RNF2: variants seen among roughly 807,000 people sequenced by gnomAD.
RNF2 encodes the protein E3 ubiquitin-protein ligase RING2.
RNF2 carries 6 observed loss-of-function variants against 37.2 expected under a neutral mutation model. The ratio of observed to expected loss-of-function variants is 0.16; its 90% CI spans 0.09 to 0.32. The LOEUF is 0.32. RNF2 is among the 10% of genes least tolerant of loss of function. RNF2 has a pLI of 1.00. For missense variants in RNF2, 251 were observed against 404.0 expected (o/e 0.62, Z 3.25); for synonymous variants, 133 against 132.7 (o/e 1.00, Z -0.02).
At chr1:185,079,928 C>T (rs886461605) in intron 1 of RNF2, among the ~76,000 whole-genome samples, 1 of 148,166 alleles carries the variant, frequency 6.7e-6, no homozygotes, top group African/African-American at 2.5e-5. Flanking sequence ...GAGACTGTCT[C>T]AGAAAAAAAA....
intron 4 of RNF2, among the ~76,000 whole-genome samples, chr1:185,093,549 A>C (rs1434675614): frequency 6.6e-6 from 1 of 152,004 alleles, no homozygotes; most frequent in African/African-American, 2.4e-5. Context: ...TTCTTTTCCT[A>C]TTCTTTTATG....
intron 1 of RNF2, among the ~76,000 whole-genome samples, chr1:185,072,879 G>T (rs1331744553): frequency 6.6e-6 from 1 of 152,170 alleles, no homozygotes. Context: ...GATGGAAGTT[G>T]CAGTGAGCCG....
intron 1 of RNF2, among the ~76,000 whole-genome samples, chr1:185,065,578 C>A (rs374970424): frequency 1.3e-5 from 2 of 152,120 alleles, no homozygotes; most frequent in East Asian, 3.9e-4. Context: ...CCAGACGCGC[C>A]ACCTTTAAGA....
At chr1:185,097,931 A>G in intron 4 of RNF2, 141 bp from the exon 5 acceptor site, 1 of 840,536 alleles carries the variant, frequency 1.2e-6, no homozygotes, top group Non-Finnish European at 1.8e-6. Flanking sequence ...AACATGTGGG[A>G]AACAATATCA....
chr1:185,075,517 G>A (rs561325905), intron 1 of RNF2, among the ~76,000 whole-genome samples: 4 of 152,224 alleles, frequency 2.6e-5, no homozygotes, highest in South Asian at 2.1e-4. Flanking sequence ...CCCTGAGACC[G>A]GATAATTTAT....
chr1:185,078,969 G>A (rs1330826514), intron 1 of RNF2, among the ~76,000 whole-genome samples: 16 of 152,110 alleles, frequency 1.1e-4, no homozygotes, highest in African/African-American at 3.6e-4. Context: ...GCTTGAACCC[G>A]GGAGGCAGAG....
chr1:185,090,006 C>T (rs1651721931), intron 2 of RNF2, among the ~76,000 whole-genome samples: 2 of 152,132 alleles, frequency 1.3e-5, no homozygotes, highest in South Asian at 4.1e-4. Context: ...ACTGCAACCT[C>T]TACCTCCCAG....
intron 4 of RNF2, among the ~76,000 whole-genome samples, chr1:185,095,417 A>G (rs574276076): frequency 7.2e-5 from 11 of 152,256 alleles, no homozygotes; most frequent in African/African-American, 2.4e-4. Flanking sequence ...AATAATCCAC[A>G]TGGCACACTA....
At chr1:185,049,530 C>A (rs1650214045) in intron 1 of RNF2, among the ~76,000 whole-genome samples, 1 of 151,882 alleles carries the variant, frequency 6.6e-6, no homozygotes, top group Non-Finnish European at 1.5e-5. Flanking sequence ...GTTTACTTTC[C>A]CCTTCAGTGA....
At chr1:185,047,711 C>T (rs1482721178) in intron 1 of RNF2, among the ~76,000 whole-genome samples, 1 of 152,116 alleles carries the variant, frequency 6.6e-6, no homozygotes, top group Non-Finnish European at 1.5e-5. Context: ...TAAAGCGCTT[C>T]ATAATTTTGA....
intron 1 of RNF2, among the ~76,000 whole-genome samples, chr1:185,077,328 A>G (rs1022240941): frequency 4.8e-5 from 6 of 124,096 alleles, no homozygotes; most frequent in African/African-American, 1.9e-4. Context: ...CTCCCTCTCT[A>G]TTTTTTTTCC....
At chr1:185,093,549 ATTC>A (rs1343441542) in intron 4 of RNF2, among the ~76,000 whole-genome samples, 2 of 152,004 alleles carry the variant, frequency 1.3e-5, no homozygotes, top group African/African-American at 4.8e-5. Flanking sequence ...TTCTTTTCCT[ATTC>A]TTTTATGAAC....
chr1:185,098,021 T>G, intron 4 of RNF2, 51 bp from the exon 5 acceptor site: 2 of 1,587,784 alleles, frequency 1.3e-6, no homozygotes, highest in Non-Finnish European at 1.7e-6. Flanking sequence ...GATTTGTTGC[T>G]TTAAAGGCCT....
rs1039461377 is a variant in RNF2, at chr1:185,075,426, C to T, written c.-2-12126C>T. Among the ~76,000 whole-genome samples the T allele has an allele frequency of 2.0e-5, 3 of 152,120 alleles. No homozygotes were observed. The South Asian group carries it at 6.2e-4, about 31-fold the overall frequency. Reference sequence around the variant, plus strand: ...CTTAACTGCCAAATTGTTCTGTTCCCCAGAACTTTGCCAATGGTTCGACAA... The same window carrying T: ...CTTAACTGCCAAATTGTTCTGTTCCTCAGAACTTTGCCAATGGTTCGACAA... On this transcript the variant is annotated intron_variant, in intron 1 of 6. Transcript: ENST00000367510.
chr1:185,098,427 G>T, intron 5 of RNF2, 83 bp downstream of exon 5: 2 of 1,477,112 alleles, frequency 1.4e-6, no homozygotes, highest in African/African-American at 1.4e-5. Context: ...TAAGAAGTAG[G>T]AGCAATATTT....
intron 1 of RNF2, among the ~76,000 whole-genome samples, chr1:185,076,346 A>G (rs1571311462): frequency 8.6e-6 from 1 of 116,620 alleles, no homozygotes; most frequent in East Asian, 2.7e-4. Context: ...GCTGGAGTGC[A>G]GTGGCGCGAT....
intron 1 of RNF2, among the ~76,000 whole-genome samples, chr1:185,057,711 TG>T (rs1650474957): frequency 1.3e-5 from 2 of 151,464 alleles, no homozygotes; most frequent in Non-Finnish European, 2.9e-5. Flanking sequence ...AGTCCAGGAG[TG>T]TCTAAGGATC....
intron 3 of RNF2, among the ~76,000 whole-genome samples, chr1:185,092,334 G>T (rs535384932): frequency 6.6e-6 from 1 of 151,796 alleles, no homozygotes; most frequent in African/African-American, 2.4e-5. Context: ...GTATCACCAC[G>T]CCTGGCTAAT....
At chr1:185,061,179 GTGCAGTGGCGGGAT>G (rs1650590891) in intron 1 of RNF2, among the ~76,000 whole-genome samples, 2 of 148,252 alleles carry the variant, frequency 1.3e-5, no homozygotes, top group African/African-American at 5.0e-5. Context: ...CCAGGCTGGA[GTGCAGTGGCGGGAT>G]CTCGGCTCAC....
Sources: allele counts gnomAD v4.1 joint callset (sites outside exome capture counted in the v4.1 genomes callset), GRCh38; gene constraint gnomAD v4.1.1; transcripts MANE v1.5; gene names NCBI Gene and HGNC (gene_info 2026-07-23, HGNC 2026-07-21).